IL12RB2: variants seen among roughly 807,000 people sequenced by gnomAD.
IL12RB2 encodes interleukin 12 receptor subunit beta 2.
Under a neutral mutation model 89.4 loss-of-function variants are expected in IL12RB2, and 82 were observed. The observed-to-expected ratio is 0.92, with a 90% CI of 0.77 to 1.10. The LOEUF (loss-of-function observed/expected upper bound fraction) is 1.10, where lower values mean the gene tolerates loss of function less well. Among genes scored for constraint, IL12RB2 ranks in the 50% least tolerant of loss-of-function variants. IL12RB2 has a pLI of 0.00. For synonymous variants in IL12RB2, 368 were observed against 370.1 expected, an observed-to-expected ratio of 0.99 and a Z score of 0.07; for missense variants, 963 against 1,031.9, an observed-to-expected ratio of 0.93 and a Z score of 0.92.
chr1:67,380,206 A>G (rs951670344), intron 14 of IL12RB2, 83 bp downstream of exon 14: 12 of 1,450,766 alleles, frequency 8.3e-6, no homozygotes, highest in African/African-American at 7.0e-5. Flanking sequence ...TATAGAGATA[A>G]TCAGATTTTC....
At chr1:67,365,349 G>C (rs1345505344) in intron 10 of IL12RB2, among the ~76,000 whole-genome samples, 1 of 151,858 alleles carries the variant, frequency 6.6e-6, no homozygotes, top group African/African-American at 2.4e-5. Flanking sequence ...GAAACCAAAA[G>C]CTGATTCTTT....
intron 1 of IL12RB2, among the ~76,000 whole-genome samples, chr1:67,312,313 C>A (rs1655175956): frequency 6.6e-6 from 1 of 152,098 alleles, no homozygotes; most frequent in African/African-American, 2.4e-5. Flanking sequence ...GAACACTTGC[C>A]ATGAAAGTTT....
intron 13 of IL12RB2, among the ~76,000 whole-genome samples, chr1:67,379,160 G>A (rs17425679): frequency 7.3e-5 from 11 of 151,718 alleles, no homozygotes; most frequent in African/African-American, 2.7e-4. Context: ...TCGTGCCACT[G>A]CACTCTAGCC....
Position 67,320,347 on chromosome 1 carries a change from T to C in IL12RB2, c.-22T>C. On this transcript the variant is annotated 5_prime_UTR_variant, in exon 3 of 17. Transcript: ENST00000674203. ...TCTTTTGCAAGGAAGAATACGGAGT[T>C]CTATACCAGAGTTGATTGTTGATGG... 1 of 1,613,912 alleles carries C rather than the reference T, an allele frequency of 6.2e-7. No homozygotes were observed. The highest frequency in any genetic ancestry group is 8.5e-7 in the Non-Finnish European group (1 of 1,179,894).
Position 67,398,162 on chromosome 1 carries a change from C to T in IL12RB2, c.*2073C>T, listed in dbSNP as rs561368997. Among the ~76,000 whole-genome samples, 30 of 152,254 alleles carry T rather than the reference C, an allele frequency of 2.0e-4. No homozygotes were observed. Among genetic ancestry groups the T allele is most frequent in the South Asian group, 1.9e-3 (9 of 4,824 alleles). ...CCAATGGTTCCTTTCCTCTCAGCATCGCTGTAGCTTGCCTGTACCCAGGAC... is the reference window on the plus strand; with the variant it reads ...CCAATGGTTCCTTTCCTCTCAGCATTGCTGTAGCTTGCCTGTACCCAGGAC... On this transcript the variant is annotated 3_prime_UTR_variant, in exon 17 of 17. Coordinates refer to ENST00000674203, the MANE Select transcript of IL12RB2 (RefSeq NM_001374259.2).
intron 9 of IL12RB2, 74 bp from the exon 10 acceptor site, chr1:67,350,796 C>T (rs1262395600): frequency 1.3e-6 from 2 of 1,586,902 alleles, no homozygotes; most frequent in Admixed American, 3.6e-5. Context: ...TACATCTGTA[C>T]CCATGAGGTC....
chr1:67,361,103 CCT>C (rs1661992221), intron 10 of IL12RB2, among the ~76,000 whole-genome samples: 1 of 152,128 alleles, frequency 6.6e-6, no homozygotes, highest in Non-Finnish European at 1.5e-5. Flanking sequence ...AGGAGCACAG[CCT>C]CACAAAAAGA....
At chr1:67,392,061 G>T (rs115231516) in intron 16 of IL12RB2, among the ~76,000 whole-genome samples, 1 of 152,140 alleles carries the variant, frequency 6.6e-6, no homozygotes, top group Non-Finnish European at 1.5e-5. Flanking sequence ...ATCCAAGCAG[G>T]ATATGCTGCC....
At chr1:67,350,489 G>T (rs1660709099) in intron 9 of IL12RB2, among the ~76,000 whole-genome samples, 2 of 152,242 alleles carry the variant, frequency 1.3e-5, no homozygotes, top group Non-Finnish European at 1.5e-5. Context: ...ACTCAGAGGG[G>T]CTGAGTGCCT....
intron 1 of IL12RB2, among the ~76,000 whole-genome samples, chr1:67,309,932 T>C (rs1407909663): frequency 1.3e-5 from 2 of 152,096 alleles, no homozygotes; most frequent in Non-Finnish European, 2.9e-5. Flanking sequence ...CCCAGCACTT[T>C]GGGAGGCCGA....
rs17129778 is a variant in IL12RB2 at position 67,322,008 on chromosome 1, A to G, written c.364+119A>G. ...TTAATGTTCTTTCTTTTCCCACCAC[A>G]TTGAAGTATTTTATCTTGATACCGA... On this transcript the variant is annotated intron_variant, in intron 4 of 16. Transcript: ENST00000674203. 7.9e-6 allele frequency: 7 copies of G among 880,728 alleles called. No homozygotes were observed. In the Admixed American group the frequency reaches 1.2e-4, roughly 15 times the overall value. 54.6% of individuals were successfully genotyped at this position (880,728 alleles called of 1,614,324 possible).
rs769610793 is a variant in IL12RB2, at chr1:67,390,030, G to T, written c.1948G>T (p.Val650Leu). ...TGTCACTGTTTTCTTTATCTATAGGGTGTTTGTTCTCCTAGCAGCCCTCAG... is the reference window on the plus strand; with the variant it reads ...TGTCACTGTTTTCTTTATCTATAGGTTGTTTGTTCTCCTAGCAGCCCTCAG... Reference protein sequence around the residue: ...IFSTHYFQQKVFVLLAALRPQ... With the variant: ...IFSTHYFQQKLFVLLAALRPQ... The change falls in exon 16 of 17, where the codon GTG becomes TTG. Residue 650 changes from valine to leucine, a missense_variant and splice_region_variant. Physicochemically the swap from Val to Leu is conservative, Grantham distance 32. Coordinates refer to ENST00000674203, the MANE Select transcript of IL12RB2 (RefSeq NM_001374259.2). The T allele has an allele frequency of 8.7e-7, 1 of 1,145,174 alleles. No homozygotes were observed. The highest frequency in any genetic ancestry group is 2.3e-5 in the East Asian group (1 of 42,870). The allele number at this position is 1,145,174 out of a possible 1,614,324, so 70.9% of individuals were successfully genotyped here.
At chr1:67,311,588 C>G (rs1655070009) in intron 1 of IL12RB2, among the ~76,000 whole-genome samples, 1 of 152,024 alleles carries the variant, frequency 6.6e-6, no homozygotes. Context: ...TAAGTAAATG[C>G]CTACAAAAGA....
At chr1:67,355,483 T>G (rs1661297292) in intron 10 of IL12RB2, among the ~76,000 whole-genome samples, 1 of 148,672 alleles carries the variant, frequency 6.7e-6, no homozygotes, top group Non-Finnish European at 1.5e-5. Context: ...GTAAAATGTA[T>G]TAAATATTTC....
chr1:67,310,030 C>T (rs899433486), intron 1 of IL12RB2, among the ~76,000 whole-genome samples: 62 of 151,644 alleles, frequency 4.1e-4, no homozygotes, highest in African/African-American at 1.5e-3. Flanking sequence ...CAAAAATTAG[C>T]GGGGCATGGT....
At chr1:67,355,423 A>T (rs917207449) in intron 10 of IL12RB2, among the ~76,000 whole-genome samples, 3 of 110,666 alleles carry the variant, frequency 2.7e-5, no homozygotes, top group Non-Finnish European at 6.4e-5. Flanking sequence ...TCTCAAAAAG[A>T]AAAAAAAAAA....
intron 10 of IL12RB2, among the ~76,000 whole-genome samples, chr1:67,355,058 G>A (rs979014584): frequency 2.0e-5 from 3 of 151,992 alleles, no homozygotes; most frequent in East Asian, 1.9e-4. Context: ...GGAGGCTGCC[G>A]TGAGCCATGA....
intron 1 of IL12RB2, among the ~76,000 whole-genome samples, chr1:67,311,496 A>AAGT (rs1655052336): frequency 6.6e-6 from 1 of 152,272 alleles, no homozygotes. Flanking sequence ...TTCTATCTGT[A>AAGT]GAATAGGATA....
At chr1:67,373,211 C>A (rs1041526538) in intron 13 of IL12RB2, among the ~76,000 whole-genome samples, 1 of 152,184 alleles carries the variant, frequency 6.6e-6, no homozygotes, top group African/African-American at 2.4e-5. Context: ...TGGGCTCAAG[C>A]AATCCTCCTG....
Sources: allele counts gnomAD v4.1 joint callset (sites outside exome capture counted in the v4.1 genomes callset), GRCh38; gene constraint gnomAD v4.1.1; transcripts MANE v1.5; gene names NCBI Gene and HGNC (gene_info 2026-07-23, HGNC 2026-07-21).